TCF12: variants seen among roughly 807,000 people sequenced by gnomAD.
The protein encoded by TCF12 is DNA-binding protein HTF4.
In TCF12, 45 loss-of-function variants were observed where a neutral mutation model predicts 86.0. The ratio of observed to expected loss-of-function variants is 0.52; its 90% CI spans 0.41 to 0.67. TCF12 has a LOEUF of 0.67. Ranked by LOEUF, TCF12 falls within the 30% of genes least tolerant of loss-of-function variation. The pLI is 0.00. For synonymous variants in TCF12, 330 were observed against 299.6 expected, an observed-to-expected ratio of 1.10 and a Z score of -1.05; for missense variants, 881 against 859.9, an observed-to-expected ratio of 1.02 and a Z score of -0.31.
intron 4 of TCF12, among the ~76,000 whole-genome samples, chr15:57,076,975 G>A (rs778249893): frequency 6.6e-6 from 1 of 152,012 alleles, no homozygotes; most frequent in Non-Finnish European, 1.5e-5. Flanking sequence ...TATATGCGAG[G>A]ATCAATATCT....
intron 4 of TCF12, among the ~76,000 whole-genome samples, chr15:57,066,364 A>G (rs1462908914): frequency 1.3e-5 from 2 of 152,150 alleles, no homozygotes; most frequent in South Asian, 2.1e-4. Context: ...AAATTCAAAA[A>G]TAAATATTAA....
At chr15:57,197,955 A>T in intron 8 of TCF12, 130 bp downstream of exon 8, 2 of 868,264 alleles carry the variant, frequency 2.3e-6, no homozygotes, top group African/African-American at 1.7e-5. Flanking sequence ...TCAGTGCTTA[A>T]CAAAATCATT....
chr15:56,980,225 G>A (rs1249367820), intron 3 of TCF12, among the ~76,000 whole-genome samples: 1 of 152,134 alleles, frequency 6.6e-6, no homozygotes, highest in Non-Finnish European at 1.5e-5. Flanking sequence ...ATTAGCTGGG[G>A]GTAGTGGCAT....
intron 5 of TCF12, among the ~76,000 whole-genome samples, chr15:57,126,056 C>G (rs1452907901): frequency 2.0e-5 from 3 of 152,024 alleles, no homozygotes; most frequent in Non-Finnish European, 1.5e-5. Context: ...CATGATGAAA[C>G]CACGTCCCTA....
In TCF12 at chr15:57,273,178, T is replaced by A; in HGVS notation, c.1894T>A (p.Leu632Met). Reference protein sequence around the residue: ...KELGRMCQLHLKSEKPQTKLL... With the variant: ...KELGRMCQLHMKSEKPQTKLL... ...GCTTGGCCGAATGTGTCAGCTTCAC[T>A]TGAAGAGTGAAAAACCCCAAACAAA... The change falls in exon 19 of 21, where the codon TTG becomes ATG. Residue 632 changes from leucine (L) to methionine (M), a missense_variant. Leu to Met is a conservative substitution (Grantham distance 15). Transcript: ENST00000333725. 1 of 1,614,150 alleles carries A rather than the reference T, an allele frequency of 6.2e-7. No homozygotes were observed. The highest frequency in any genetic ancestry group is 8.5e-7 in the Non-Finnish European group (1 of 1,180,034).
At chr15:57,115,169 A>G (rs1235723137) in intron 5 of TCF12, among the ~76,000 whole-genome samples, 3 of 152,212 alleles carry the variant, frequency 2.0e-5, no homozygotes, top group African/African-American at 7.2e-5. Context: ...TCCACCCTTT[A>G]ACTGGAAGAA....
intron 3 of TCF12, among the ~76,000 whole-genome samples, chr15:56,948,255 A>G (rs2061102421): frequency 1.3e-5 from 2 of 151,812 alleles, no homozygotes; most frequent in Non-Finnish European, 1.5e-5. Flanking sequence ...CTGAGTAGCT[A>G]GCACCTGAAA....
At chr15:56,967,977 G>A (rs769457037) in intron 3 of TCF12, among the ~76,000 whole-genome samples, 3 of 151,918 alleles carry the variant, frequency 2.0e-5, no homozygotes, top group Middle Eastern at 6.8e-3. Flanking sequence ...TTTTTTTGAG[G>A]CAGAGCCTTG....
chr15:57,277,020 G>A lies in TCF12; in HGVS notation c.1978+3758G>A, dbSNP rs573577625. ...AGAGTTTCACCATGTTGAACAGACT[G>A]GTCTGAAACTCCTGACCTCAGGTGA... On this transcript the variant is annotated intron_variant, in intron 19 of 20. Transcript: ENST00000333725. Among the ~76,000 whole-genome samples the A allele has an allele frequency of 2.0e-3, 301 of 151,952 alleles. 2 individuals carry two copies. Among genetic ancestry groups the A allele is most frequent in the Non-Finnish European group, 3.6e-3 (242 of 67,968 alleles).
At chr15:57,113,972 A>AT (rs1477031281) in intron 5 of TCF12, among the ~76,000 whole-genome samples, 9 of 152,100 alleles carry the variant, frequency 5.9e-5, no homozygotes, top group African/African-American at 1.9e-4. Flanking sequence ...AAGAAAAAAA[A>AT]TAGTAAATTT....
At chr15:57,278,092 A>G (rs2061490615) in intron 19 of TCF12, among the ~76,000 whole-genome samples, 1 of 152,112 alleles carries the variant, frequency 6.6e-6, no homozygotes, top group Admixed American at 6.5e-5. Context: ...TCAGCCTCCC[A>G]GGTAGCTGGA....
intron 3 of TCF12, among the ~76,000 whole-genome samples, chr15:56,960,551 T>G (rs1311457381): frequency 1.3e-5 from 2 of 151,204 alleles, no homozygotes; most frequent in African/African-American, 4.9e-5. Context: ...CACCTCAGCC[T>G]CCTCAGTAGC....
At chr15:57,242,192 A>G (rs779870624) in intron 12 of TCF12, among the ~76,000 whole-genome samples, 2 of 152,154 alleles carry the variant, frequency 1.3e-5, no homozygotes, top group African/African-American at 4.8e-5. Context: ...AAGCAAGGTC[A>G]TTTCTACTGG....
At chr15:57,272,391 T>C (rs1203050312) in intron 18 of TCF12, among the ~76,000 whole-genome samples, 1 of 152,236 alleles carries the variant, frequency 6.6e-6, no homozygotes. Context: ...TTTATAATTA[T>C]CACCACTGAT....
intron 3 of TCF12, among the ~76,000 whole-genome samples, chr15:56,934,199 C>A (rs1052309040): frequency 2.6e-5 from 4 of 152,130 alleles, no homozygotes; most frequent in African/African-American, 4.8e-5. Context: ...TGTTGAGGAT[C>A]TGCTGTAGTG....
At chr15:57,160,324 A>AG (rs1555522716) in intron 5 of TCF12, among the ~76,000 whole-genome samples, 1 of 152,170 alleles carries the variant, frequency 6.6e-6, no homozygotes, top group African/African-American at 2.4e-5. Context: ...TGCAGAGCAA[A>AG]GGGGGGAAAA....
At chr15:57,059,223 C>T (rs1181873769) in intron 3 of TCF12, among the ~76,000 whole-genome samples, 1 of 152,248 alleles carries the variant, frequency 6.6e-6, no homozygotes, top group South Asian at 2.1e-4. Context: ...TGTGCACCAG[C>T]GGGTGGGGGG....
intron 3 of TCF12, among the ~76,000 whole-genome samples, chr15:57,000,019 C>G (rs1302186316): frequency 6.7e-6 from 1 of 149,484 alleles, no homozygotes; most frequent in African/African-American, 2.5e-5. Context: ...ATTTCTTAAT[C>G]AAATGCTAAA....
At chr15:57,029,254 G>T (rs575988157) in intron 3 of TCF12, among the ~76,000 whole-genome samples, 19 of 151,008 alleles carry the variant, frequency 1.3e-4, no homozygotes, top group African/African-American at 4.6e-4. Context: ...TTTTTTTGGT[G>T]CCTTAGTTGA....
Sources: allele counts gnomAD v4.1 joint callset (sites outside exome capture counted in the v4.1 genomes callset), GRCh38; gene constraint gnomAD v4.1.1; transcripts MANE v1.5; gene names NCBI Gene and HGNC (gene_info 2026-07-23, HGNC 2026-07-21).